The following NFIA variants were observed in gnomAD, a reference collection of about 807,000 sequenced individuals.
NFIA encodes the protein nuclear factor 1 A-type.
NFIA carries 8 observed loss-of-function variants against 62.8 expected under a neutral mutation model. That is an observed-to-expected ratio of 0.13 (90% CI 0.07 to 0.23). NFIA has a LOEUF of 0.23. NFIA is among the 10% of genes least tolerant of loss of function. The probability of loss-of-function intolerance (pLI) is 1.00; values close to 1 mark genes in which losing one functional copy is unlikely to be tolerated. For missense variants in NFIA, 410 were observed against 642.1 expected (o/e 0.64, Z 3.91); for synonymous variants, 235 against 238.1 (o/e 0.99, Z 0.12).
At chr1:61,390,781 G>A (rs1446400096) in intron 7 of NFIA, among the ~76,000 whole-genome samples, 1 of 152,086 alleles carries the variant, frequency 6.6e-6, no homozygotes, top group Non-Finnish European at 1.5e-5. Context: ...GGCCTATTAG[G>A]GCAAGGACCA....
At chr1:61,355,333 A>C (rs948478194) in intron 5 of NFIA, among the ~76,000 whole-genome samples, 2 of 152,186 alleles carry the variant, frequency 1.3e-5, no homozygotes, top group Non-Finnish European at 2.9e-5. Context: ...ATAGGTAGGT[A>C]GATAATGTGA....
chr1:61,408,161 T>C (rs989270129), intron 9 of NFIA, among the ~76,000 whole-genome samples: 13 of 152,186 alleles, frequency 8.5e-5, no homozygotes, highest in Admixed American at 7.9e-4. Context: ...AGCCAAAAGA[T>C]TGAAGGTTCA....
intron 2 of NFIA, among the ~76,000 whole-genome samples, chr1:61,258,454 G>A (rs1415460537): frequency 2.6e-5 from 4 of 152,136 alleles, no homozygotes; most frequent in Admixed American, 2.6e-4. Flanking sequence ...AACTTCTGAT[G>A]TCTTTATTTT....
intron 3 of NFIA, among the ~76,000 whole-genome samples, chr1:61,309,691 G>C (rs533222260): frequency 1.6e-4 from 24 of 152,250 alleles, no homozygotes; most frequent in South Asian, 8.3e-4. Flanking sequence ...AAGTTTGAGA[G>C]CAGCCTGACC....
intron 3 of NFIA, among the ~76,000 whole-genome samples, chr1:61,300,893 A>T (rs1022969856): frequency 9.9e-5 from 15 of 152,142 alleles, no homozygotes; most frequent in African/African-American, 3.6e-4. Flanking sequence ...GAGAATTAGG[A>T]AATACATAAA....
chr1:61,109,626 A>G (rs1646662212), intron 2 of NFIA, among the ~76,000 whole-genome samples: 1 of 151,916 alleles, frequency 6.6e-6, no homozygotes, highest in African/African-American at 2.4e-5. Flanking sequence ...TATCGGTTTT[A>G]TCAGATAGTG....
intron 2 of NFIA, among the ~76,000 whole-genome samples, chr1:61,274,755 C>A (rs1657706665): frequency 6.6e-6 from 1 of 152,166 alleles, no homozygotes; most frequent in Non-Finnish European, 1.5e-5. Context: ...AGAGATCTTT[C>A]ATTTGTATCA....
chr1:61,432,620 C>CATGT (rs1557434259), intron 10 of NFIA, among the ~76,000 whole-genome samples: 5 of 48,682 alleles, frequency 1.0e-4, no homozygotes, highest in African/African-American at 3.5e-4. Context: ...TACACACACA[C>CATGT]ACACGTACAC....
intron 6 of NFIA, among the ~76,000 whole-genome samples, chr1:61,359,640 G>A (rs141799179): frequency 6.6e-6 from 1 of 152,122 alleles, no homozygotes; most frequent in Non-Finnish European, 1.5e-5. Context: ...GAGTACAGTG[G>A]CATGATCTTG....
At chr1:61,099,719 C>A (rs1646476891) in intron 2 of NFIA, among the ~76,000 whole-genome samples, 1 of 152,126 alleles carries the variant, frequency 6.6e-6, no homozygotes, top group African/African-American at 2.4e-5. Flanking sequence ...GAGGCCACAC[C>A]AACAGTTAAG....
intron 10 of NFIA, among the ~76,000 whole-genome samples, chr1:61,443,503 C>T (rs1474802104): frequency 6.6e-6 from 1 of 152,172 alleles, no homozygotes; most frequent in Admixed American, 6.5e-5. Flanking sequence ...TTATCTGACG[C>T]ATCACATGTC....
At chr1:61,211,384 C>T (rs1187408152) in intron 2 of NFIA, among the ~76,000 whole-genome samples, 2 of 152,070 alleles carry the variant, frequency 1.3e-5, no homozygotes, top group Non-Finnish European at 2.9e-5. Flanking sequence ...TTACAAATTA[C>T]AATTTATTAG....
At chr1:61,113,031 A>G (rs1024960669) in intron 2 of NFIA, among the ~76,000 whole-genome samples, 3 of 152,196 alleles carry the variant, frequency 2.0e-5, no homozygotes, top group African/African-American at 7.2e-5. Flanking sequence ...TAAGATTGGA[A>G]TGAAAATTTC....
intron 2 of NFIA, among the ~76,000 whole-genome samples, chr1:61,121,982 A>G (rs1646894890): frequency 6.6e-6 from 1 of 152,210 alleles, no homozygotes; most frequent in Non-Finnish European, 1.5e-5. Flanking sequence ...AAATACATAC[A>G]TAAAAAGACA....
At chr1:61,421,510 A>T (rs749073680) in intron 9 of NFIA, among the ~76,000 whole-genome samples, 2 of 152,198 alleles carry the variant, frequency 1.3e-5, no homozygotes, top group Non-Finnish European at 2.9e-5. Flanking sequence ...TTCAAACTTC[A>T]TGTCGGTTTG....
intron 5 of NFIA, 103 bp downstream of exon 5, chr1:61,352,670 GAAGATAACA>G: frequency 1.1e-6 from 1 of 932,046 alleles, no homozygotes; most frequent in Non-Finnish European, 1.7e-6. Context: ...TTTAGTAATA[GAAGATAACA>G]AAGTAGTGGG....
intron 2 of NFIA, among the ~76,000 whole-genome samples, chr1:61,225,764 CATTAGTATGAGAG>C (rs754941374): frequency 2.6e-5 from 4 of 152,078 alleles, no homozygotes; most frequent in Non-Finnish European, 5.9e-5. Context: ...ATGGAGCCCT[CATTAGTATGAGAG>C]ATTAATTTAT....
intron 6 of NFIA, among the ~76,000 whole-genome samples, chr1:61,368,507 A>AGCAAACTACTTCTCTGAATTTTC (rs1553178773): frequency 2.0e-5 from 3 of 152,244 alleles, no homozygotes; most frequent in African/African-American, 7.2e-5. Context: ...TGAGAATTTT[A>AGCAAACTACTTCTCTGAATTTTC]GCAAACTACT....
chr1:61,355,104 G>A (rs1028045809), intron 5 of NFIA, among the ~76,000 whole-genome samples: 5 of 152,086 alleles, frequency 3.3e-5, no homozygotes, highest in Admixed American at 6.6e-5. Context: ...TGGAATTAGG[G>A]TAATACTTTT....
Sources: allele counts gnomAD v4.1 joint callset (sites outside exome capture counted in the v4.1 genomes callset), GRCh38; gene constraint gnomAD v4.1.1; transcripts MANE v1.5; gene names NCBI Gene and HGNC (gene_info 2026-07-23, HGNC 2026-07-21).